The following AHCTF1 variants were observed in gnomAD, a reference collection of about 807,000 sequenced individuals.
AHCTF1 encodes the protein AT-hook containing transcription factor 1.
A neutral mutation model predicts 248.4 loss-of-function variants in AHCTF1; 24 were observed. The ratio of observed to expected loss-of-function variants is 0.10; its 90% CI spans 0.07 to 0.14. The LOEUF (loss-of-function observed/expected upper bound fraction) is 0.14. Ranked by LOEUF, AHCTF1 falls within the 10% of genes least tolerant of loss-of-function variation. The pLI is 1.00. For synonymous variants in AHCTF1, 786 were observed against 929.8 expected, an observed-to-expected ratio of 0.85 and a Z score of 2.81; for missense variants, 2,206 against 2,636.2, an observed-to-expected ratio of 0.84 and a Z score of 3.57.
Position 246,877,734 on chromosome 1 carries a change from T to A in AHCTF1, c.2661-432A>T, listed in dbSNP as rs749173898. Reference sequence around the variant, plus strand: ...GGAAGGGAAGAGTAGAGCTTGGTAGTAGATGTTTTTTGGTTGATTTGCAGC... The same window carrying A: ...GGAAGGGAAGAGTAGAGCTTGGTAGAAGATGTTTTTTGGTTGATTTGCAGC... On this transcript the variant is annotated intron_variant, in intron 21 of 35. Coordinates refer to ENST00000648844, the MANE Select transcript of AHCTF1 (RefSeq NM_001323342.2). Among the ~76,000 whole-genome samples, 4 of 151,976 alleles carry A rather than the reference T, an allele frequency of 2.6e-5. No individual in the cohort carries two copies. In the East Asian group the frequency reaches 7.7e-4, roughly 29 times the overall value.
Position 246,839,659 on chromosome 1 carries a change from A to C in AHCTF1, c.*1147T>G, listed in dbSNP as rs937025851. On this transcript the variant is annotated 3_prime_UTR_variant, in exon 36 of 36. Coordinates refer to ENST00000648844, the MANE Select transcript of AHCTF1 (RefSeq NM_001323342.2). ...GCAGAAAGCACACTGCATATGCTTC[A>C]CATTAAAATATTAAAAGCCCACGAA... The C allele has an allele frequency of 7.3e-6, 5 of 687,922 alleles. No homozygotes were observed. The African/African-American group carries it at 7.8e-5, about 11-fold the overall frequency. The allele number at this position is 687,922 out of a possible 1,614,324, so 42.6% of individuals were successfully genotyped here.
Position 246,861,215 on chromosome 1 carries a change from G to A in AHCTF1, c.3816C>T (p.Ser1272=). 1 of 1,613,334 alleles carries A rather than the reference G, an allele frequency of 6.2e-7. No homozygotes were observed. Residue 1272 remains serine, a synonymous_variant, in exon 29 of 36, where the codon AGC becomes AGT. Coordinates refer to ENST00000648844, the MANE Select transcript of AHCTF1 (RefSeq NM_001323342.2). ...AVPVETEWLK[S]KDRTTSFFLN... is the part of the protein sequence containing the mutation. Reference sequence around the variant, plus strand: ...GGAAAAAAGATGTGGTCCTATCTTTGCTCTTCAGCCATTCAGTTTCCACTG... The same window carrying A: ...GGAAAAAAGATGTGGTCCTATCTTTACTCTTCAGCCATTCAGTTTCCACTG...
intron 2 of AHCTF1, among the ~76,000 whole-genome samples, chr1:246,917,499 G>C (rs1250539096): frequency 6.6e-6 from 1 of 152,154 alleles, no homozygotes; most frequent in Non-Finnish European, 1.5e-5. Context: ...GTATAACTGG[G>C]ATCAAATAAA....
At position 246,916,240 on chromosome 1, in the gene AHCTF1, C is replaced by T; in HGVS notation, c.277G>A (p.Gly93Arg). The change falls in exon 3 of 36, where the codon GGA becomes AGA. Residue 93 changes from glycine (G) to arginine (R), a missense_variant. Gly to Arg is a moderately radical substitution (Grantham distance 125). Around this residue, in one of 6 missense-constraint regions of AHCTF1, gnomAD observed 34 missense variants for 97.2 expected, o/e 0.35. Transcript: ENST00000648844. ...VKEFSWQKRT[G>R]LLIGLEETEG... is the part of the protein sequence containing the mutation. ...GTTTCTTCCAATCCTATTAATAATCCAGTTCTCTTCTGCCAAGAGAATTCT... is the reference window on the plus strand; with the variant it reads ...GTTTCTTCCAATCCTATTAATAATCTAGTTCTCTTCTGCCAAGAGAATTCT... 6.2e-7 allele frequency: 1 copy of T among 1,607,246 alleles called. No homozygotes were observed. The highest frequency in any genetic ancestry group is 8.5e-7 in the Non-Finnish European group (1 of 1,174,472).
At chr1:246,860,766 A>T (rs1661479526) in intron 29 of AHCTF1, 133 bp downstream of exon 29, 13 of 1,227,464 alleles carry the variant, frequency 1.1e-5, no homozygotes, top group Non-Finnish European at 1.5e-5. Flanking sequence ...TCAGCCTCCC[A>T]AAGTGCTGAG....
At chr1:246,853,362 G>C in intron 31 of AHCTF1, 63 bp from the exon 32 acceptor site, 1 of 1,384,420 alleles carries the variant, frequency 7.2e-7, no homozygotes, top group Non-Finnish European at 1.0e-6. Flanking sequence ...ACACAAGGAA[G>C]CAAACAGAAA....
At chr1:246,880,432 C>T (rs1235949717) in intron 21 of AHCTF1, among the ~76,000 whole-genome samples, 1 of 151,640 alleles carries the variant, frequency 6.6e-6, no homozygotes, top group African/African-American at 2.4e-5. Flanking sequence ...GTCATGGTGG[C>T]ACGTGCCTAT....
At chr1:246,888,369 T>C in intron 18 of AHCTF1, 25 bp downstream of exon 18, 1 of 1,612,868 alleles carries the variant, frequency 6.2e-7, no homozygotes, top group Non-Finnish European at 8.5e-7. Context: ...AGACTCTAAA[T>C]GATAGCACAT....
At chr1:246,931,285 T>C in intron 1 of AHCTF1, 2 of 1,548,122 alleles carry the variant, frequency 1.3e-6, no homozygotes, top group South Asian at 1.2e-5. Flanking sequence ...GGGACCCGAC[T>C]GCCGGCGCAG....
In AHCTF1 at chr1:246,877,169, C is replaced by T. The variant is rs1663032807; in HGVS notation, c.2794G>A (p.Asp932Asn). The T allele has an allele frequency of 3.1e-6, 5 of 1,612,692 alleles. No individual in the cohort carries two copies. Among genetic ancestry groups the T allele is most frequent in the African/African-American group, 1.3e-5 (1 of 75,004 alleles). ...MEDLLKLPFT[D>N]TEQECLVKFL... ...CGGTAAGTAATTACCTGCTCAGTGT[C>T]TGTAAATGGTAACTTCAGTAAATCT... is the stretch of plus-strand genomic sequence containing the variant. Residue 932 changes from aspartate to asparagine, a missense_variant, in exon 22 of 36, where the codon GAC becomes AAC. Asp to Asn is a conservative substitution (Grantham distance 23). Coordinates refer to ENST00000648844, the MANE Select transcript of AHCTF1 (RefSeq NM_001323342.2).
At chr1:246,865,576 G>C (rs1218322243) in intron 26 of AHCTF1, among the ~76,000 whole-genome samples, 1 of 152,080 alleles carries the variant, frequency 6.6e-6, no homozygotes, top group Non-Finnish European at 1.5e-5. Context: ...AAAACAGTTT[G>C]CTCACTTTTA....
At chr1:246,921,490 A>G (rs1666547307) in intron 1 of AHCTF1, among the ~76,000 whole-genome samples, 1 of 152,230 alleles carries the variant, frequency 6.6e-6, no homozygotes, top group African/African-American at 2.4e-5. Flanking sequence ...CCCAAAATTT[A>G]TTCAGAATGC....
chr1:246,918,285 G>A lies in AHCTF1; in HGVS notation c.86C>T (p.Thr29Ile), dbSNP rs566924472. Residue 29 changes from threonine to isoleucine, a missense_variant, in exon 2 of 36, where the codon ACA (threonine) becomes ATA (isoleucine). Thr to Ile is a moderately conservative substitution (Grantham distance 89, BLOSUM62 -1). Transcript: ENST00000648844. The stretch of plus-strand genomic sequence containing the variant: ...CTTTCCACGAAGCACAGATTCTAAT[G>A]TTATTTCGTCTTCTCCAAGGGCTTG... ...TLQALGEDEITLESVLRGKFA... is the reference protein window; with the variant it reads ...TLQALGEDEIILESVLRGKFA... 9 of 1,611,712 alleles carry A rather than the reference G, an allele frequency of 5.6e-6. No individual in the cohort carries two copies. The East Asian group carries it at 1.8e-4, about 32-fold the overall frequency.
intron 33 of AHCTF1, among the ~76,000 whole-genome samples, chr1:246,846,027 G>A (rs1048111746): frequency 1.3e-5 from 2 of 150,760 alleles, no homozygotes; most frequent in Non-Finnish European, 2.9e-5. Flanking sequence ...CCTCAATGAG[G>A]ACAGAAGGAA....
intron 20 of AHCTF1, among the ~76,000 whole-genome samples, chr1:246,886,850 T>TC (rs1663851755): frequency 6.6e-6 from 1 of 152,190 alleles, no homozygotes; most frequent in South Asian, 2.1e-4. Context: ...TAAGACCCTA[T>TC]CACACTATTT....
intron 24 of AHCTF1, among the ~76,000 whole-genome samples, chr1:246,874,940 CT>C (rs1662835889): frequency 6.6e-6 from 1 of 152,162 alleles, no homozygotes; most frequent in African/African-American, 2.4e-5. Flanking sequence ...AACAATCAGC[CT>C]GTTTTACAGC....
At position 246,862,165 on chromosome 1, in the gene AHCTF1, A is replaced by G. The variant is rs1045467796; in HGVS notation, c.3541-12T>C. On this transcript the variant is annotated splice_polypyrimidine_tract_variant and intron_variant, in intron 27 of 35. Transcript: ENST00000648844. ...AAACTTTTAGCTTTCTATAGTAAAG[A>G]GCAAATGGAATTACACCATTAAAAG... 1.2e-6 allele frequency: 2 copies of G among 1,603,370 alleles called. No individual in the cohort carries two copies. Among genetic ancestry groups the G allele is most frequent in the Admixed American group, 1.7e-5 (1 of 58,072 alleles).
chr1:246,840,899 T>C lies in AHCTF1; in HGVS notation c.6708A>G (p.Arg2236=), dbSNP rs138879376. 2.4e-4 allele frequency: 387 copies of C among 1,613,790 alleles called. 1 individual carries two copies. The highest frequency in any genetic ancestry group is 6.5e-4 in the Admixed American group (39 of 59,962). The change falls in exon 36 of 36, where the codon AGA becomes AGG. Residue 2236 remains arginine, a synonymous_variant. Transcript: ENST00000648844. ...CTGTTCCTGTCACTTCTGTAGTTTT[T>C]CTTGGTTTGCTCTTGACTCCGTCAG... ...SPADGVKSKP[R]KTTEVTGTGL... is the part of the protein sequence containing the mutation.
intron 4 of AHCTF1, among the ~76,000 whole-genome samples, chr1:246,912,568 G>C (rs999186604): frequency 6.6e-6 from 1 of 151,552 alleles, no homozygotes; most frequent in Non-Finnish European, 1.5e-5. Context: ...TAAAAATTAA[G>C]AGTAAAAAAC....
Sources: gnomAD v4.1 joint callset for allele counts (sites outside exome capture counted in the v4.1 genomes callset) on GRCh38, gnomAD v4.1.1 for gene constraint, gnomAD v4.1.1 regional missense constraint, MANE v1.5 for transcripts, NCBI Gene and HGNC (gene_info 2026-07-23, HGNC 2026-07-21) for gene names.